Variants in TANC2 observed in about 807,000 individuals in gnomAD.
TANC2 encodes tetratricopeptide repeat, ankyrin repeat and coiled-coil containing 2.
A neutral mutation model predicts 210.5 loss-of-function variants in TANC2; 26 were observed. The observed-to-expected ratio is 0.12, with a 90% CI of 0.09 to 0.17. TANC2 has a LOEUF of 0.17. Ranked by LOEUF, TANC2 falls within the 10% of genes least tolerant of loss-of-function variation. The pLI is 1.00. For missense variants in TANC2, 2,129 were observed against 2,608.9 expected (o/e 0.82, Z 4.01); for synonymous variants, 931 against 967.1 (o/e 0.96, Z 0.69).
At chr17:63,151,331 A>G (rs2039647302) in exon 5 of TANC2, 4 of 985,844 alleles carry the variant, frequency 4.1e-6, no homozygotes, top group Non-Finnish European at 4.8e-6. Flanking sequence ...AGCTTGGCTC[A>G]CCAACCCTCA....
chr17:63,068,013 A>T (rs191816889), intron 2 of TANC2, among the ~76,000 whole-genome samples: 1 of 152,208 alleles, frequency 6.6e-6, no homozygotes, highest in African/African-American at 2.4e-5. Context: ...CTCTATCACT[A>T]TGTGATCAAT....
chr17:63,045,260 T>A (rs532174252), intron 2 of TANC2, among the ~76,000 whole-genome samples: 266 of 152,324 alleles, frequency 1.7e-3, no homozygotes, highest in African/African-American at 6.2e-3. Flanking sequence ...ATATTTACTT[T>A]CTTTATAGAA....
chr17:63,077,262 G>A (rs1394150003), intron 3 of TANC2, among the ~76,000 whole-genome samples: 1 of 152,126 alleles, frequency 6.6e-6, no homozygotes, highest in Non-Finnish European at 1.5e-5. Context: ...AATTCCATAT[G>A]CATTGATACT....
At chr17:63,079,940 C>G (rs1039458436) in intron 3 of TANC2, among the ~76,000 whole-genome samples, 1 of 152,152 alleles carries the variant, frequency 6.6e-6, no homozygotes, top group Non-Finnish European at 1.5e-5. Flanking sequence ...GAGACAGGCT[C>G]TTGAAATGTG....
chr17:63,106,029 G>A (rs1036265848), intron 4 of TANC2, among the ~76,000 whole-genome samples: 2 of 151,528 alleles, frequency 1.3e-5, no homozygotes, highest in African/African-American at 4.9e-5. Context: ...TAAACTATTA[G>A]ATCTGGACCT....
chr17:63,255,112 T>C (rs1453176566), intron 8 of TANC2, among the ~76,000 whole-genome samples: 1 of 150,732 alleles, frequency 6.6e-6, no homozygotes, highest in Non-Finnish European at 1.5e-5. Flanking sequence ...TATTTTTATT[T>C]ATTTATTTTT....
At chr17:63,226,056 T>G (rs1431351904) in intron 7 of TANC2, among the ~76,000 whole-genome samples, 1 of 152,214 alleles carries the variant, frequency 6.6e-6, no homozygotes. Context: ...GCACTAGATC[T>G]TATCACTTAA....
intron 17 of TANC2, 68 bp downstream of exon 17, chr17:63,389,612 T>C (rs2047897916): frequency 7.2e-7 from 1 of 1,391,202 alleles, no homozygotes; most frequent in Non-Finnish European, 1.0e-6. Context: ...CTCTTTCTTA[T>C]CTCCAGTGTT....
At chr17:63,310,888 C>T (rs931779491) in intron 9 of TANC2, among the ~76,000 whole-genome samples, 1 of 152,058 alleles carries the variant, frequency 6.6e-6, no homozygotes, top group African/African-American at 2.4e-5. Flanking sequence ...AAAACACAAC[C>T]CATTGACCCA....
At chr17:63,346,898 G>T (rs1824265710) in intron 12 of TANC2, among the ~76,000 whole-genome samples, 2 of 151,476 alleles carry the variant, frequency 1.3e-5, no homozygotes, top group South Asian at 4.2e-4. Flanking sequence ...AGAGATGGGG[G>T]TCTTGCCATG....
chr17:63,412,003 GT>G lies in TANC2; in HGVS notation c.3773del (p.Phe1258SerfsTer3). ...CTGCTTGATCCGTGTCCTAGGTCCA[GT>G]TCCTGGTAGATCATGGGGCCATGAT... On this transcript the variant is annotated frameshift_variant, in exon 23 of 28. Coordinates refer to ENST00000689528, the Ensembl canonical transcript of TANC2. LOFTEE classifies it high-confidence loss of function. The surrounding 1 kb of genome is among the most constrained non-coding windows in gnomAD (Gnocchi z 4.2). 1 of 1,613,958 alleles carries G rather than the reference GT, an allele frequency of 6.2e-7. No homozygotes were observed. The highest frequency in any genetic ancestry group is 8.5e-7 in the Non-Finnish European group (1 of 1,179,874).
At chr17:63,200,355 C>CAAAAAAAAAA (rs10598629) in intron 6 of TANC2, among the ~76,000 whole-genome samples, 2 of 93,758 alleles carry the variant, frequency 2.1e-5, no homozygotes, top group Non-Finnish European at 4.3e-5. Context: ...AACTCTGTCT[C>CAAAAAAAAAA]AAAAAAAAAA....
In TANC2 at chr17:63,421,422, C is replaced by T. The variant is rs764724684; in HGVS notation, c.5692C>T (p.Pro1898Ser). 7.4e-6 allele frequency: 12 copies of T among 1,613,998 alleles called. No individual in the cohort carries two copies. The highest frequency in any genetic ancestry group is 9.3e-6 in the Non-Finnish European group (11 of 1,179,890). Reference sequence around the variant, plus strand: ...CCAGCAAATGGAGATCCCACTGAAACCTGCATATGAGAGGTCATGTGACGA... The same window carrying T: ...CCAGCAAATGGAGATCCCACTGAAATCTGCATATGAGAGGTCATGTGACGA... Residue 1898 changes from proline to serine, a missense_variant, in exon 28 of 28, where the codon CCT (proline) becomes TCT (serine). Around this residue, in one of 5 missense-constraint regions of TANC2, gnomAD observed 584 missense variants for 627.3 expected, o/e 0.93. Transcript: ENST00000689528. The surrounding 1 kb of genome is among the most constrained non-coding windows in gnomAD (Gnocchi z 6.9).
intron 2 of TANC2, among the ~76,000 whole-genome samples, chr17:63,055,990 AATATATATATATATATAT>A (rs57112801): frequency 0.014 from 138 of 10,080 alleles, 4 homozygotes; most frequent in East Asian, 0.13. Flanking sequence ...AAAAAAAAAA[AATATATATATATATATAT>A]ATATATATAT....
intron 2 of TANC2, among the ~76,000 whole-genome samples, chr17:63,016,323 T>A (rs189445565): frequency 8.5e-4 from 129 of 152,336 alleles, no homozygotes; most frequent in Non-Finnish European, 1.6e-3. Context: ...ATGCCTGTAA[T>A]CCCGGCATTT....
chr17:63,277,747 T>C (rs2043927992), intron 9 of TANC2, among the ~76,000 whole-genome samples: 1 of 151,902 alleles, frequency 6.6e-6, no homozygotes, highest in East Asian at 1.9e-4. Context: ...GATAGTAAGA[T>C]AATGTATAAG....
chr17:62,995,077 G>A (rs557296084), intron 1 of TANC2, among the ~76,000 whole-genome samples: 13 of 152,220 alleles, frequency 8.5e-5, no homozygotes, highest in African/African-American at 3.1e-4. Flanking sequence ...TCATTATTAC[G>A]TCACTTTTAG....
At chr17:63,242,579 C>G (rs566614420) in intron 8 of TANC2, among the ~76,000 whole-genome samples, 1 of 151,760 alleles carries the variant, frequency 6.6e-6, no homozygotes, top group Non-Finnish European at 1.5e-5. Flanking sequence ...CCTGCAGATA[C>G]CAAGGGATGA....
chr17:63,359,730 A>G (rs2046901446), intron 14 of TANC2, among the ~76,000 whole-genome samples: 1 of 152,118 alleles, frequency 6.6e-6, no homozygotes, highest in African/African-American at 2.4e-5. Flanking sequence ...AGTTGATACA[A>G]CCTAATGAGA....
Sources: gnomAD v4.1 joint callset for allele counts (sites outside exome capture counted in the v4.1 genomes callset) on GRCh38, gnomAD v4.1.1 for gene constraint, gnomAD v4.1.1 regional missense constraint, Gnocchi (gnomAD v3.1) non-coding constraint, MANE v1.5 for transcripts, NCBI Gene and HGNC (gene_info 2026-07-23, HGNC 2026-07-21) for gene names.